Variants in RBM18 observed in about 807,000 individuals in gnomAD.
RBM18 encodes RNA binding motif protein 18.
In RBM18, 18 loss-of-function variants were observed where a neutral mutation model predicts 26.4. The ratio of observed to expected loss-of-function variants is 0.68; its 90% CI spans 0.47 to 1.01. RBM18 has a LOEUF of 1.01. Among genes scored for constraint, RBM18 ranks in the 50% least tolerant of loss-of-function variants. RBM18 has a pLI of 0.00. For missense variants in RBM18, 180 were observed against 219.2 expected, an observed-to-expected ratio of 0.82 and a Z score of 1.13; for synonymous variants, 74 against 81.1, an observed-to-expected ratio of 0.91 and a Z score of 0.47.
intron 2 of RBM18, among the ~76,000 whole-genome samples, chr9:122,254,765 TCAAGAACCTCACATTCTAG>T (rs1241723119): frequency 7.9e-5 from 12 of 152,234 alleles, no homozygotes; most frequent in African/African-American, 2.4e-4. Flanking sequence ...GTTCCTGCCT[TCAAGAACCTCACATTCTAG>T]TTAAGACAGA....
At position 122,243,880 on chromosome 9, in the gene RBM18, A is replaced by T. The variant is rs547678717; in HGVS notation, c.413+1376T>A. ...TAAGCTGAGGTCCTCTGGATAAAAA[A>T]ATAGATGGAAAACCCTAGGCTATCT... On this transcript the variant is annotated intron_variant, in intron 5 of 5. Coordinates refer to ENST00000417201, the MANE Select transcript of RBM18 (RefSeq NM_033117.4). The T allele has an allele frequency of 6.1e-6, 6 of 984,908 alleles. No homozygotes were observed. The South Asian group carries it at 2.8e-4, about 46-fold the overall frequency. The allele number at this position is 984,908 out of a possible 1,614,324, so 61.0% of individuals were successfully genotyped here.
At chr9:122,256,144 A>C (rs1831694887) in intron 2 of RBM18, among the ~76,000 whole-genome samples, 1 of 152,230 alleles carries the variant, frequency 6.6e-6, no homozygotes, top group African/African-American at 2.4e-5. Flanking sequence ...CATGAAATTC[A>C]GGCTTGTCTG....
intron 5 of RBM18, among the ~76,000 whole-genome samples, chr9:122,242,478 G>C (rs2118948629): frequency 6.6e-6 from 1 of 152,282 alleles, no homozygotes; most frequent in East Asian, 1.9e-4. Context: ...GTAAACGATA[G>C]AGCAGAGATT....
At chr9:122,252,461 T>G (rs1831620504) in intron 2 of RBM18, among the ~76,000 whole-genome samples, 1 of 152,206 alleles carries the variant, frequency 6.6e-6, no homozygotes, top group African/African-American at 2.4e-5. Context: ...CAAACAGTCC[T>G]GGAAGATCTT....
At chr9:122,247,783 T>TGG (rs1831527972) in intron 3 of RBM18, among the ~76,000 whole-genome samples, 179 bp from the exon 4 acceptor site, 1 of 71,194 alleles carries the variant, frequency 1.4e-5, no homozygotes, top group Non-Finnish European at 3.7e-5. Flanking sequence ...GGTTTTTTTG[T>TGG]TGTTTTTTTT....
At chr9:122,249,548 A>G (rs537961678) in intron 3 of RBM18, among the ~76,000 whole-genome samples, 1 of 152,010 alleles carries the variant, frequency 6.6e-6, no homozygotes, top group East Asian at 1.9e-4. Flanking sequence ...CGCTTCTACA[A>G]AAAATACAAA....
intron 2 of RBM18, among the ~76,000 whole-genome samples, chr9:122,255,889 C>T (rs1026832284): frequency 6.6e-6 from 1 of 152,040 alleles, no homozygotes; most frequent in Admixed American, 6.6e-5. Flanking sequence ...CTCCCAGCTA[C>T]TCGGGAGGCT....
At chr9:122,256,183 T>TGA (rs1831695837) in intron 2 of RBM18, among the ~76,000 whole-genome samples, 1 of 152,242 alleles carries the variant, frequency 6.6e-6, no homozygotes, top group Admixed American at 6.5e-5. Context: ...TGTCTTAACC[T>TGA]GAGAGTATTC....
chr9:122,244,553 A>G lies in RBM18; in HGVS notation c.413+703T>C, dbSNP rs150294340. The stretch of plus-strand genomic sequence containing the variant: ...ATTTGCCATCTGTGTGATCTCAGCC[A>G]TAAGTAAATGACACACTGCAAATAA... On this transcript the variant is annotated intron_variant, in intron 5 of 5. Coordinates refer to ENST00000417201, the MANE Select transcript of RBM18 (RefSeq NM_033117.4). 3.4e-4 allele frequency among the ~76,000 whole-genome samples: 52 copies of G among 152,344 alleles called. No homozygotes were observed. The East Asian group carries it at 9.1e-3, about 27-fold the overall frequency.
rs142832144 is a variant in RBM18 at position 122,237,751 on chromosome 9, C to T, written c.*4133G>A. On this transcript the variant is annotated 3_prime_UTR_variant, in exon 6 of 6. Coordinates refer to ENST00000417201, the MANE Select transcript of RBM18 (RefSeq NM_033117.4). ...TGGCAAATTTTTCCTGTAAAGGGACCGATAGTATATATTTCAGGTTTTGTA... is the reference window on the plus strand; with the variant it reads ...TGGCAAATTTTTCCTGTAAAGGGACTGATAGTATATATTTCAGGTTTTGTA... 36 of 152,200 alleles carry T rather than the reference C, an allele frequency of 2.4e-4. 1 individual carries two copies. The East Asian group carries it at 6.6e-3, about 28-fold the overall frequency. The allele number at this position is 152,200 out of a possible 1,614,324, so 9.4% of individuals were successfully genotyped here.
rs1261517148 is a variant in RBM18, at chr9:122,240,463, T to C, written c.*1421A>G. ...CTCTACTGAAGTTTTGATTCAAATG[T>C]CTTAAATTCATTTATACTCATGGGA... On this transcript the variant is annotated 3_prime_UTR_variant, in exon 6 of 6. Coordinates refer to ENST00000417201, the MANE Select transcript of RBM18 (RefSeq NM_033117.4). 1.3e-5 allele frequency: 2 copies of C among 152,244 alleles called. No individual in the cohort carries two copies. Among genetic ancestry groups the C allele is most frequent in the South Asian group, 2.1e-4 (1 of 4,834 alleles). The allele number at this position is 152,244 out of a possible 1,614,324, so 9.4% of individuals were successfully genotyped here.
At chr9:122,247,720 A>G (rs1831526802) in intron 3 of RBM18, 116 bp from the exon 4 acceptor site, 6 of 761,678 alleles carry the variant, frequency 7.9e-6, no homozygotes, top group Non-Finnish European at 1.4e-5. Context: ...TGTTTTTGGT[A>G]AATAACTGGC....
chr9:122,247,422 T>A (rs1298237389), intron 4 of RBM18, 96 bp downstream of exon 4: 2 of 1,003,550 alleles, frequency 2.0e-6, no homozygotes, highest in Non-Finnish European at 3.1e-6. Flanking sequence ...GTTTCAGGTG[T>A]GAAGAGATTG....
At chr9:122,257,508 T>G (rs1831717541) in intron 2 of RBM18, among the ~76,000 whole-genome samples, 1 of 152,036 alleles carries the variant, frequency 6.6e-6, no homozygotes, top group Admixed American at 6.6e-5. Flanking sequence ...AATATTAGAG[T>G]GCTAGACAGT....
chr9:122,264,423 C>G (rs1054555947), intron 1 of RBM18, among the ~76,000 whole-genome samples: 1 of 152,218 alleles, frequency 6.6e-6, no homozygotes. Flanking sequence ...TCCAGCTGAG[C>G]TGCAATAACT....
chr9:122,242,141 G>A (rs1256053373), intron 5 of RBM18, 98 bp from the exon 6 acceptor site: 15 of 1,122,092 alleles, frequency 1.3e-5, no homozygotes, highest in Admixed American at 5.6e-5. Context: ...TATTAGAGAC[G>A]CAACAAGATA....
intron 5 of RBM18, among the ~76,000 whole-genome samples, chr9:122,243,565 G>A (rs1185846810): frequency 1.3e-5 from 2 of 152,208 alleles, no homozygotes; most frequent in South Asian, 2.1e-4. Context: ...CACTCAGGGA[G>A]TAGGTATTTT....
At chr9:122,253,030 A>G (rs1831629816) in intron 2 of RBM18, among the ~76,000 whole-genome samples, 1 of 152,188 alleles carries the variant, frequency 6.6e-6, no homozygotes, top group Non-Finnish European at 1.5e-5. Context: ...GTGCTATTCA[A>G]ATGGAGTCAA....
At chr9:122,252,115 T>G in intron 2 of RBM18, 142 bp from the exon 3 acceptor site, 1 of 1,055,628 alleles carries the variant, frequency 9.5e-7, no homozygotes, top group Non-Finnish European at 1.3e-6. Flanking sequence ...TAAACTGCTA[T>G]GTTAGTTTAT....
Sources: allele counts gnomAD v4.1 joint callset (sites outside exome capture counted in the v4.1 genomes callset), GRCh38; gene constraint gnomAD v4.1.1; transcripts MANE v1.5; gene names NCBI Gene and HGNC (gene_info 2026-07-23, HGNC 2026-07-21).